Variants in SZT2 observed in about 807,000 individuals in gnomAD.
The protein encoded by SZT2 is KICSTOR complex protein SZT2.
SZT2 carries 216 observed loss-of-function variants against 404.2 expected under a neutral mutation model. That is an observed-to-expected ratio of 0.53 (90% CI 0.48 to 0.60). The LOEUF (loss-of-function observed/expected upper bound fraction) is 0.60, where lower values mean the gene tolerates loss of function less well. Among genes scored for constraint, SZT2 ranks in the 20% least tolerant of loss-of-function variants. SZT2 has a pLI of 0.00. For missense variants in SZT2, 3,857 were observed against 4,459.2 expected (o/e 0.86, Z 3.85); for synonymous variants, 1,693 against 1,749.9 (o/e 0.97, Z 0.81).
chr1:43,451,916 G>A lies in SZT2; in HGVS notation c.*1436G>A. 6.2e-7 allele frequency: 1 copy of A among 1,613,198 alleles called. No individual in the cohort carries two copies. The highest frequency in any genetic ancestry group is 8.5e-7 in the Non-Finnish European group (1 of 1,179,248). On this transcript the variant is annotated 3_prime_UTR_variant, in exon 72 of 72. Transcript: ENST00000634258. ...AGGAATCAAAAGGGACAGAAGGAGA[G>A]ACAGGGCTGGGGTCGTACCCTGCTG...
In SZT2 at chr1:43,434,410, G is replaced by T. The variant is rs143953688; in HGVS notation, c.5829G>T (p.Gly1943=). The part of the protein sequence containing the change: ...HARSLIREDG[G]PGTECRHLQQ... Reference sequence around the variant, plus strand: ...GGAGCCTGATTCGGGAGGATGGGGGGCCGGGCACTGAGTGTCGCCACCTGC... The same window carrying T: ...GGAGCCTGATTCGGGAGGATGGGGGTCCGGGCACTGAGTGTCGCCACCTGC... Residue 1943 remains glycine, a synonymous_variant, in exon 41 of 72, where the codon GGG becomes GGT. Transcript: ENST00000634258. 11 of 1,596,836 alleles carry T rather than the reference G, an allele frequency of 6.9e-6. No individual in the cohort carries two copies. Among genetic ancestry groups the T allele is most frequent in the African/African-American group, 5.3e-5 (4 of 74,844 alleles).
Position 43,437,385 on chromosome 1 carries a change from G to A in SZT2, c.6188-21G>A, listed in dbSNP as rs1352129697. ...AAGGATCTGGAAAAGGCAGTTTCCT[G>A]AGCCCATGTTATTCCCCCAGCCATC... is the stretch of plus-strand genomic sequence containing the variant. On this transcript the variant is annotated intron_variant, in intron 43 of 71. Transcript: ENST00000634258. This position sits in a 1 kb window ranked among gnomAD's most constrained non-coding sequence, Gnocchi z 5.3. 1 of 1,614,090 alleles carries A rather than the reference G, an allele frequency of 6.2e-7. No homozygotes were observed. The highest frequency in any genetic ancestry group is 1.1e-5 in the South Asian group (1 of 91,074).
chr1:43,416,954 C>A (rs1651787927), intron 7 of SZT2, among the ~76,000 whole-genome samples: 1 of 152,138 alleles, frequency 6.6e-6, no homozygotes, highest in African/African-American at 2.4e-5. Context: ...TCAGAAAACC[C>A]CGCTCAAACT....
chr1:43,392,697 G>A (rs1376056342), intron 1 of SZT2, among the ~76,000 whole-genome samples: 3 of 152,232 alleles, frequency 2.0e-5, no homozygotes, highest in African/African-American at 7.2e-5. Context: ...ACAGGCGTGA[G>A]CCACCGTGCC....
chr1:43,453,717 G>GCCCGCA lies in SZT2; in HGVS notation c.*3243_*3248dup. The GCCCGCA allele has an allele frequency of 1.4e-5, 19 of 1,396,058 alleles. No individual in the cohort carries two copies. The highest frequency in any genetic ancestry group is 1.7e-5 in the Non-Finnish European group (19 of 1,085,886). 86.5% of individuals were successfully genotyped at this position (1,396,058 alleles called of 1,614,324 possible). A position where few individuals can be genotyped will look rare whatever the true frequency, so the allele number is the denominator to read the frequency against. On this transcript the variant is annotated 3_prime_UTR_variant, in exon 72 of 72. Coordinates refer to ENST00000634258, the MANE Select transcript of SZT2 (RefSeq NM_001365999.1). ...GGCCTCGAAGCCCGAGCTGCCCGCG[G>GCCCGCA]CCCGCACCCGCGCGGGGAGGCCGGA...
At position 43,427,417 on chromosome 1, in the gene SZT2, C is replaced by T. The variant is rs147644619; in HGVS notation, c.3570C>T (p.Val1190=). 1.7e-4 allele frequency: 277 copies of T among 1,613,486 alleles called. 1 individual carries two copies. In the African/African-American group the frequency reaches 3.4e-3, roughly 20 times the overall value. ...GGATCAAAGCTACAAAGTCCCACGTCCCTGTCCTCAGTGTGACCCTGGCTA... is the reference window on the plus strand; with the variant it reads ...GGATCAAAGCTACAAAGTCCCACGTTCCTGTCCTCAGTGTGACCCTGGCTA... ...GTGIKATKSH[V]PVLSVTLASD... Residue 1190 remains valine (V), a synonymous_variant, in exon 25 of 72, where the codon GTC becomes GTT. Transcript: ENST00000634258.
chr1:43,423,032 T>C, intron 14 of SZT2, 67 bp from the exon 15 acceptor site: 1 of 1,523,388 alleles, frequency 6.6e-7, no homozygotes, highest in Admixed American at 2.0e-5. Context: ...TCACTTTGTC[T>C]GTGAGCCCCT....
rs372814833 is a variant in SZT2 at position 43,446,162 on chromosome 1, C to G, written c.8917-17C>G. Reference sequence around the variant, plus strand: ...CTGGTGAGCCCCCAAACCTTGCCCCCTTTTTTGTTTCTTCAGAGCACTAGC... The same window carrying G: ...CTGGTGAGCCCCCAAACCTTGCCCCGTTTTTTGTTTCTTCAGAGCACTAGC... On this transcript the variant is annotated splice_polypyrimidine_tract_variant and intron_variant, in intron 63 of 71. Coordinates refer to ENST00000634258, the MANE Select transcript of SZT2 (RefSeq NM_001365999.1). 9 of 1,614,070 alleles carry G rather than the reference C, an allele frequency of 5.6e-6. No homozygotes were observed. The highest frequency in any genetic ancestry group is 6.8e-6 in the Non-Finnish European group (8 of 1,180,018).
intron 30 of SZT2, 25 bp from the exon 31 acceptor site, chr1:43,430,286 C>A: frequency 6.2e-7 from 1 of 1,612,974 alleles, no homozygotes; most frequent in Non-Finnish European, 8.5e-7. Context: ...CTTGCCTCAT[C>A]ATCTTGCTTC....
In SZT2 at chr1:43,426,753, A is replaced by G; in HGVS notation, c.3253A>G (p.Lys1085Glu). The change falls in exon 23 of 72, where the codon AAG (lysine) becomes GAG (glutamate). Residue 1085 changes from lysine to glutamate, a missense_variant. Physicochemically the swap from Lys to Glu is moderately conservative, Grantham distance 56. Transcript: ENST00000634258. The surrounding 1 kb of genome is among the most constrained non-coding windows in gnomAD (Gnocchi z 4.9). ...ACTGCTGGGGGTTCATGGGATCCCGAAGGAGCAAGCAGTCGGCAGCACCCA... is the reference window on the plus strand; with the variant it reads ...ACTGCTGGGGGTTCATGGGATCCCGGAGGAGCAAGCAGTCGGCAGCACCCA... ...GPLLGVHGIPKEQAVGSTQAT... is the reference protein window; with the variant it reads ...GPLLGVHGIPEEQAVGSTQAT... The G allele has an allele frequency of 6.2e-7, 1 of 1,613,586 alleles. No individual in the cohort carries two copies. The highest frequency in any genetic ancestry group is 8.5e-7 in the Non-Finnish European group (1 of 1,179,844).
At chr1:43,414,983 G>C in intron 4 of SZT2, 99 bp from the exon 5 acceptor site, 1 of 1,450,112 alleles carries the variant, frequency 6.9e-7, no homozygotes, top group Non-Finnish European at 9.2e-7. Context: ...AGGAAGTCAG[G>C]ATCGCCTAGA....
chr1:43,407,554 A>C (rs890700507), intron 4 of SZT2, among the ~76,000 whole-genome samples: 8 of 151,798 alleles, frequency 5.3e-5, no homozygotes, highest in Admixed American at 1.3e-4. Context: ...AAATCACAGC[A>C]CAGCAGTGCG....
In SZT2 at chr1:43,426,923, A is replaced by C; in HGVS notation, c.3309+114A>C. The C allele has an allele frequency of 6.5e-7, 1 of 1,547,950 alleles. No homozygotes were observed. Among genetic ancestry groups the C allele is most frequent in the Non-Finnish European group, 8.8e-7 (1 of 1,131,846 alleles). ...AGACTAAATGGCATCTGCCAATGAC[A>C]CAATGCCGTCATTTTCCATTGTCCT... On this transcript the variant is annotated intron_variant, in intron 23 of 71. Coordinates refer to ENST00000634258, the MANE Select transcript of SZT2 (RefSeq NM_001365999.1). The surrounding 1 kb of genome is among the most constrained non-coding windows in gnomAD (Gnocchi z 4.9).
intron 61 of SZT2, 25 bp downstream of exon 61, chr1:43,443,502 G>A: frequency 6.2e-7 from 1 of 1,613,952 alleles, no homozygotes; most frequent in East Asian, 2.2e-5. Flanking sequence ...CAGACTTCTA[G>A]CAGACCTTTG....
At position 43,454,015 on chromosome 1, in the gene SZT2, G is replaced by A; in HGVS notation, c.*3535G>A. 8.5e-7 allele frequency: 1 copy of A among 1,172,138 alleles called. No individual in the cohort carries two copies. The highest frequency in any genetic ancestry group is 1.1e-6 in the Non-Finnish European group (1 of 950,292). 72.6% of individuals were successfully genotyped at this position (1,172,138 alleles called of 1,614,324 possible). ...GGGGAGAGGCGAAGGGGCGGAGCGA[G>A]GGCGGCCGGAAAAGGAGCAGGACCC... On this transcript the variant is annotated 3_prime_UTR_variant, in exon 72 of 72. Coordinates refer to ENST00000634258, the MANE Select transcript of SZT2 (RefSeq NM_001365999.1).
At chr1:43,401,225 G>A (rs1351969128) in intron 1 of SZT2, among the ~76,000 whole-genome samples, 3 of 152,176 alleles carry the variant, frequency 2.0e-5, no homozygotes, top group Non-Finnish European at 4.4e-5. Flanking sequence ...ATGCCCAGCT[G>A]TTATTGTTAA....
Position 43,451,721 on chromosome 1 carries a change from G to A in SZT2, c.*1241G>A, listed in dbSNP as rs1394370528. The A allele has an allele frequency of 1.2e-6, 2 of 1,614,074 alleles. No individual in the cohort carries two copies. Among genetic ancestry groups the A allele is most frequent in the Middle Eastern group, 1.6e-4 (1 of 6,062 alleles). ...TGATCTGCCAGTGGAATATGTCCTA[G>A]GGAAGAGGATACTACATTCCGAGAC... On this transcript the variant is annotated 3_prime_UTR_variant, in exon 72 of 72. Transcript: ENST00000634258.
At chr1:43,427,892 G>T (rs1285257707) in intron 26 of SZT2, 111 bp from the exon 27 acceptor site, 1 of 1,299,016 alleles carries the variant, frequency 7.7e-7, no homozygotes, top group Non-Finnish European at 1.1e-6. Context: ...GCTAGGCCAT[G>T]AATACACTTG....
chr1:43,417,356 C>T (rs1036113075), intron 7 of SZT2, among the ~76,000 whole-genome samples: 4 of 152,048 alleles, frequency 2.6e-5, no homozygotes, highest in African/African-American at 4.8e-5. Flanking sequence ...GAGAGAGAAG[C>T]GGGCTTAAAG....
Sources: allele counts gnomAD v4.1 joint callset (sites outside exome capture counted in the v4.1 genomes callset), GRCh38; gene constraint gnomAD v4.1.1; non-coding constraint Gnocchi (gnomAD v3.1); transcripts MANE v1.5; gene names NCBI Gene and HGNC (gene_info 2026-07-23, HGNC 2026-07-21).